The following ATE1 variants were observed in gnomAD, a reference collection of about 807,000 sequenced individuals.
The protein encoded by ATE1 is arginyl-tRNA--protein transferase 1.
Under a neutral mutation model 70.5 loss-of-function variants are expected in ATE1, and 36 were observed. That is an observed-to-expected ratio of 0.51 (90% CI 0.39 to 0.67). The LOEUF is 0.67. Among genes scored for constraint, ATE1 ranks in the 30% least tolerant of loss-of-function variants. The pLI is 0.00. For synonymous variants in ATE1, 232 were observed against 219.3 expected (o/e 1.06, Z -0.51); for missense variants, 593 against 629.5 (o/e 0.94, Z 0.62).
chr10:121,919,510 G>A (rs557285000), intron 3 of ATE1, among the ~76,000 whole-genome samples: 12 of 152,098 alleles, frequency 7.9e-5, no homozygotes, highest in Non-Finnish European at 1.3e-4. Flanking sequence ...GCAGTGAGCC[G>A]AGATAGCACC....
intron 8 of ATE1, among the ~76,000 whole-genome samples, chr10:121,859,852 G>A (rs1949406239): frequency 6.6e-6 from 1 of 152,156 alleles, no homozygotes; most frequent in African/African-American, 2.4e-5. Context: ...TGAGGCAGGA[G>A]AATCGCTTGA....
chr10:121,836,430 G>A lies in ATE1; in HGVS notation c.1257+288C>T, dbSNP rs371519464. On this transcript the variant is annotated intron_variant, in intron 10 of 11. Transcript: ENST00000224652. The stretch of plus-strand genomic sequence containing the variant: ...CTCTGCAGTTTTTATAGTGGGCTAC[G>A]CATACTCAGGAAACATCAAAGAGTT... Among the ~76,000 whole-genome samples, 170 of 152,180 alleles carry A rather than the reference G, an allele frequency of 1.1e-3. 1 individual carries two copies. Among genetic ancestry groups the A allele is most frequent in the Non-Finnish European group, 3.5e-4 (24 of 68,008 alleles).
intron 3 of ATE1, among the ~76,000 whole-genome samples, chr10:121,914,914 A>C (rs1407599509): frequency 6.6e-6 from 1 of 152,182 alleles, no homozygotes; most frequent in Non-Finnish European, 1.5e-5. Flanking sequence ...TAAAAATACT[A>C]ACATCAGGGA....
At chr10:121,875,301 TTTTTTTG>T (rs1564917619) in intron 7 of ATE1, among the ~76,000 whole-genome samples, 8 of 29,800 alleles carry the variant, frequency 2.7e-4, no homozygotes, top group African/African-American at 6.8e-4. Flanking sequence ...TTTTTTGGTT[TTTTTTTG>T]TTTTTTTTTT....
At chr10:121,745,847 A>G (rs1226092938) in intron 11 of ATE1, among the ~76,000 whole-genome samples, 1 of 152,224 alleles carries the variant, frequency 6.6e-6, no homozygotes, top group Non-Finnish European at 1.5e-5. Flanking sequence ...CTGAATGTCC[A>G]TCGATGGAGA....
At chr10:121,836,880 G>T in intron 9 of ATE1, 63 bp from the exon 10 acceptor site, 1 of 1,017,330 alleles carries the variant, frequency 9.8e-7, no homozygotes, top group Non-Finnish European at 1.5e-6. Flanking sequence ...ACAAATATCT[G>T]TGTAATTTGA....
intron 9 of ATE1, 60 bp from the exon 10 acceptor site, chr10:121,836,877 T>C: frequency 9.7e-7 from 1 of 1,028,090 alleles, no homozygotes; most frequent in Non-Finnish European, 1.5e-6. Context: ...TGTACAAATA[T>C]CTGTGTAATT....
intron 10 of ATE1, among the ~76,000 whole-genome samples, chr10:121,817,238 CT>C (rs754025916): frequency 2.0e-5 from 3 of 152,156 alleles, no homozygotes; most frequent in Non-Finnish European, 4.4e-5. Context: ...TCAGAGATTG[CT>C]GCTTAAAAAC....
At chr10:121,745,493 A>C (rs192151716) in intron 11 of ATE1, among the ~76,000 whole-genome samples, 3 of 152,106 alleles carry the variant, frequency 2.0e-5, no homozygotes, top group South Asian at 2.1e-4. Context: ...AAGGTGGGCA[A>C]ATCACGAGGT....
intron 11 of ATE1, among the ~76,000 whole-genome samples, chr10:121,758,385 A>C (rs1944894870): frequency 6.6e-6 from 1 of 152,246 alleles, no homozygotes; most frequent in East Asian, 1.9e-4. Context: ...TGAATTTGGC[A>C]TTGGGTTGAT....
At chr10:121,752,311 A>T (rs1335071117) in intron 11 of ATE1, among the ~76,000 whole-genome samples, 1 of 148,950 alleles carries the variant, frequency 6.7e-6, no homozygotes, top group Non-Finnish European at 1.5e-5. Context: ...GCTCACTGCA[A>T]GCTCCGCCTT....
chr10:121,763,954 C>T (rs1210643633), intron 11 of ATE1, among the ~76,000 whole-genome samples: 1 of 152,146 alleles, frequency 6.6e-6, no homozygotes, highest in Non-Finnish European at 1.5e-5. Flanking sequence ...GCAGAGGTTG[C>T]ATTGAGCTGT....
chr10:121,746,154 G>C (rs1365980799), intron 11 of ATE1, among the ~76,000 whole-genome samples: 1 of 152,084 alleles, frequency 6.6e-6, no homozygotes, highest in Non-Finnish European at 1.5e-5. Context: ...ACATAAAATA[G>C]AAAATCCACT....
At chr10:121,799,125 G>A (rs765686396) in intron 10 of ATE1, among the ~76,000 whole-genome samples, 2 of 152,074 alleles carry the variant, frequency 1.3e-5, no homozygotes, top group Admixed American at 6.6e-5. Flanking sequence ...CAGGGACTCC[G>A]CTTGACATCA....
intron 9 of ATE1, among the ~76,000 whole-genome samples, chr10:121,837,149 T>C (rs542464804): frequency 6.6e-6 from 1 of 152,340 alleles, no homozygotes; most frequent in East Asian, 1.9e-4. Context: ...TCAAAGAATC[T>C]GGGCTTAACA....
chr10:121,895,231 G>C (rs572830105), intron 7 of ATE1, among the ~76,000 whole-genome samples: 1 of 152,130 alleles, frequency 6.6e-6, no homozygotes, highest in African/African-American at 2.4e-5. Flanking sequence ...CCACGCGTAC[G>C]TATACACCCA....
chr10:121,915,213 G>A (rs1161167168), intron 3 of ATE1, among the ~76,000 whole-genome samples: 3 of 152,104 alleles, frequency 2.0e-5, no homozygotes, highest in East Asian at 1.9e-4. Flanking sequence ...ATAACAAGGT[G>A]TTATTAAATA....
At chr10:121,828,678 G>A (rs1322934192) in intron 10 of ATE1, among the ~76,000 whole-genome samples, 3 of 152,144 alleles carry the variant, frequency 2.0e-5, no homozygotes, top group African/African-American at 7.2e-5. Flanking sequence ...CTGATGGGTG[G>A]AGCAGCATGC....
chr10:121,868,478 T>C (rs898553318), intron 8 of ATE1, among the ~76,000 whole-genome samples: 1 of 152,234 alleles, frequency 6.6e-6, no homozygotes, highest in Admixed American at 6.5e-5. Flanking sequence ...TCCATAACTA[T>C]AGAGTGGGCT....
Sources: allele counts gnomAD v4.1 joint callset (sites outside exome capture counted in the v4.1 genomes callset), GRCh38; gene constraint gnomAD v4.1.1; transcripts MANE v1.5; gene names NCBI Gene and HGNC (gene_info 2026-07-23, HGNC 2026-07-21).